Variants in CNTLN observed in about 807,000 individuals in gnomAD.
CNTLN encodes the protein centlein, also known as centlein, centrosomal protein.
Under a neutral mutation model 180.0 loss-of-function variants are expected in CNTLN, and 212 were observed. The observed-to-expected ratio is 1.18, with a 90% CI of 1.05 to 1.32. The LOEUF (loss-of-function observed/expected upper bound fraction) is 1.32. CNTLN is among the 40% of genes most tolerant of loss of function. The probability of loss-of-function intolerance (pLI) is 0.00; values close to 1 mark genes in which losing one functional copy is unlikely to be tolerated. For synonymous variants in CNTLN, 722 were observed against 563.1 expected (o/e 1.28, Z -3.99); for missense variants, 2,095 against 1,610.9 (o/e 1.30, Z -5.14).
chr9:17,452,659 T>C (rs1365670841), intron 18 of CNTLN, among the ~76,000 whole-genome samples: 1 of 152,168 alleles, frequency 6.6e-6, no homozygotes, highest in Non-Finnish European at 1.5e-5. Context: ...AGAGAACTAG[T>C]ATAGTGCCAA....
At chr9:17,389,742 A>G (rs919725476) in intron 14 of CNTLN, among the ~76,000 whole-genome samples, 8 of 6,182 alleles carry the variant, frequency 1.3e-3, no homozygotes, top group African/African-American at 2.1e-3. Context: ...TGAAACATAT[A>G]TGCAGATTAT....
Position 17,211,625 on chromosome 9 carries a change from A to T in CNTLN, c.450-14578A>T, listed in dbSNP as rs565193318. Among the ~76,000 whole-genome samples the T allele has an allele frequency of 3.7e-3, 560 of 152,248 alleles. 4 individuals are homozygous for T. The highest frequency in any genetic ancestry group is 0.013 in the African/African-American group (540 of 41,538). ...TGGTAGCTTGATGGGGATGGCATTG[A>T]ATCTATAAATTACCTTGGGCAGTAT... is the stretch of plus-strand genomic sequence containing the variant. On this transcript the variant is annotated intron_variant, in intron 2 of 25. Coordinates refer to ENST00000380647, the MANE Select transcript of CNTLN (RefSeq NM_017738.4).
intron 25 of CNTLN, among the ~76,000 whole-genome samples, chr9:17,492,054 C>T (rs934944198): frequency 6.6e-6 from 1 of 152,088 alleles, no homozygotes; most frequent in South Asian, 2.1e-4. Context: ...TAAGCCTACA[C>T]ACTCAGTAAC....
chr9:17,182,635 A>G (rs560964622), intron 2 of CNTLN, among the ~76,000 whole-genome samples: 3 of 152,060 alleles, frequency 2.0e-5, no homozygotes, highest in African/African-American at 7.3e-5. Flanking sequence ...TGCTCTTTAG[A>G]GTAAGATTAA....
chr9:17,258,076 G>A (rs1248954213), intron 5 of CNTLN, among the ~76,000 whole-genome samples: 1 of 150,444 alleles, frequency 6.6e-6, no homozygotes, highest in African/African-American at 2.5e-5. Context: ...GAATGGTATT[G>A]CCTAGGTTTT....
downstream of CNTLN, among the ~76,000 whole-genome samples, chr9:17,505,860 C>G (rs959760026): frequency 3.3e-5 from 5 of 152,016 alleles, no homozygotes; most frequent in Non-Finnish European, 7.4e-5. Context: ...CATCACTTTA[C>G]CCAGTTTCAA....
intron 13 of CNTLN, among the ~76,000 whole-genome samples, chr9:17,369,625 A>G (rs943334372): frequency 1.3e-5 from 2 of 151,608 alleles, no homozygotes; most frequent in Admixed American, 1.3e-4. Context: ...AATGCACTGG[A>G]GTCCCCTCAT....
chr9:17,377,810 G>A (rs904364929), intron 13 of CNTLN, among the ~76,000 whole-genome samples: 1 of 152,176 alleles, frequency 6.6e-6, no homozygotes, highest in African/African-American at 2.4e-5. Flanking sequence ...TATCACCCCT[G>A]CTGTGGATGT....
In CNTLN at chr9:17,143,315, T is replaced by C; in HGVS notation, c.388T>C (p.Trp130Arg). The C allele has an allele frequency of 1.2e-6, 2 of 1,613,668 alleles. No homozygotes were observed. Among genetic ancestry groups the C allele is most frequent in the South Asian group, 2.2e-5 (2 of 91,042 alleles). ...TGATAAAGAATTTGTATGGTCTTTGTGGAAACGTCTCCAGGTTACAAACCC... is the reference window on the plus strand; with the variant it reads ...TGATAAAGAATTTGTATGGTCTTTGCGGAAACGTCTCCAGGTTACAAACCC... ...QADKEFVWSL[W>R]KRLQVTNPDL... The change falls in exon 2 of 26, where the codon TGG becomes CGG. Residue 130 changes from tryptophan (W) to arginine (R), a missense_variant. Trp to Arg is a moderately radical substitution (Grantham distance 101). Coordinates refer to ENST00000380647, the MANE Select transcript of CNTLN (RefSeq NM_017738.4).
intron 1 of CNTLN, among the ~76,000 whole-genome samples, chr9:17,140,878 G>A (rs535763276): frequency 4.0e-4 from 61 of 152,174 alleles, no homozygotes; most frequent in Non-Finnish European, 8.2e-4. Context: ...GAAGAAATGG[G>A]TAAATATATT....
At chr9:17,433,889 T>C (rs1829592875) in intron 18 of CNTLN, among the ~76,000 whole-genome samples, 1 of 152,014 alleles carries the variant, frequency 6.6e-6, no homozygotes. Flanking sequence ...CCTGTAAGAG[T>C]TTTTAATTAG....
chr9:17,320,385 T>G (rs1251817621), intron 8 of CNTLN, among the ~76,000 whole-genome samples: 1 of 81,120 alleles, frequency 1.2e-5, no homozygotes, highest in Non-Finnish European at 2.6e-5. Flanking sequence ...CTTTCCTGAT[T>G]CCATCTTTCT....
At chr9:17,350,700 A>G (rs1043067428) in intron 12 of CNTLN, among the ~76,000 whole-genome samples, 1 of 152,192 alleles carries the variant, frequency 6.6e-6, no homozygotes, top group Non-Finnish European at 1.5e-5. Flanking sequence ...CCTGGCTTGT[A>G]GATGGCTGCT....
chr9:17,349,139 A>G (rs1822162287), intron 12 of CNTLN, among the ~76,000 whole-genome samples: 1 of 152,088 alleles, frequency 6.6e-6, no homozygotes. Flanking sequence ...TGAGCTCCCT[A>G]TTCTATCCTT....
intron 1 of CNTLN, among the ~76,000 whole-genome samples, chr9:17,135,917 A>G (rs1458850015): frequency 1.3e-5 from 2 of 152,218 alleles, no homozygotes; most frequent in Non-Finnish European, 2.9e-5. Flanking sequence ...TTGTAAACAC[A>G]GACGAGTAAC....
At position 17,226,237 on chromosome 9, in the gene CNTLN, G is replaced by A. The variant is rs1287165272; in HGVS notation, c.484G>A (p.Val162Ile). 6.3e-7 allele frequency: 1 copy of A among 1,581,814 alleles called. No individual in the cohort carries two copies. The highest frequency in any genetic ancestry group is 1.2e-5 in the South Asian group (1 of 84,412). Reference protein sequence around the residue: ...KQKSEAKDRKVLEILQVKDAK... With the variant: ...KQKSEAKDRKILEILQVKDAK... Reference sequence around the variant, plus strand: ...GAAATCTGAAGCTAAAGACAGAAAAGTTCTAGAAATTCTGCAAGTCAAGGA... The same window carrying A: ...GAAATCTGAAGCTAAAGACAGAAAAATTCTAGAAATTCTGCAAGTCAAGGA... The change falls in exon 3 of 26, where the codon GTT becomes ATT. Residue 162 changes from valine (V) to isoleucine (I), a missense_variant. Transcript: ENST00000380647.
intron 10 of CNTLN, among the ~76,000 whole-genome samples, chr9:17,338,078 G>C (rs1038356580): frequency 6.6e-6 from 1 of 151,650 alleles, no homozygotes; most frequent in African/African-American, 2.4e-5. Context: ...ATTATGTTTT[G>C]ACATGAATCT....
At chr9:17,441,557 T>A (rs1830108839) in intron 18 of CNTLN, among the ~76,000 whole-genome samples, 2 of 132,746 alleles carry the variant, frequency 1.5e-5, no homozygotes, top group Admixed American at 1.5e-4. Flanking sequence ...AGAAGATACA[T>A]GAAGAAAGTG....
At chr9:17,186,964 T>G (rs781511788) in intron 2 of CNTLN, among the ~76,000 whole-genome samples, 25 of 152,192 alleles carry the variant, frequency 1.6e-4, no homozygotes, top group Non-Finnish European at 3.4e-4. Flanking sequence ...CAAATTGTTT[T>G]AGTTTTAGAG....
Sources: gnomAD v4.1 joint callset for allele counts (sites outside exome capture counted in the v4.1 genomes callset) on GRCh38, gnomAD v4.1.1 for gene constraint, MANE v1.5 for transcripts, NCBI Gene and HGNC (gene_info 2026-07-23, HGNC 2026-07-21) for gene names.